Variants in GNG2 observed in about 807,000 individuals in gnomAD.
GNG2 encodes the protein guanine nucleotide-binding protein G(I)/G(S)/G(O) subunit gamma-2.
In GNG2, 5 loss-of-function variants were observed where a neutral mutation model predicts 5.5. That is an observed-to-expected ratio of 0.91 (90% confidence interval 0.48 to 1.92). The LOEUF is 1.92. Ranked by LOEUF, GNG2 falls within the 30% of genes most tolerant of loss-of-function variation. The probability of loss-of-function intolerance (pLI) is 0.01; values close to 1 mark genes in which losing one functional copy is unlikely to be tolerated. For synonymous variants in GNG2, 28 were observed against 32.0 expected, an observed-to-expected ratio of 0.88 and a Z score of 0.42; for missense variants, 55 against 88.4, an observed-to-expected ratio of 0.62 and a Z score of 1.52.
chr14:51,845,225 T>G (rs1594831365), intron 2 of GNG2, among the ~76,000 whole-genome samples: 1 of 152,344 alleles, frequency 6.6e-6, no homozygotes, highest in East Asian at 1.9e-4. Flanking sequence ...TAAAGGCTGG[T>G]GCAGTGGCTC....
chr14:51,828,017 A>G (rs1033772058), intron 2 of GNG2, among the ~76,000 whole-genome samples: 1 of 152,204 alleles, frequency 6.6e-6, no homozygotes, highest in Admixed American at 6.5e-5. Context: ...GGCAAGCACC[A>G]TATGCCTTGG....
chr14:51,911,239 C>T (rs1886273705), intron 2 of GNG2, among the ~76,000 whole-genome samples: 2 of 152,100 alleles, frequency 1.3e-5, no homozygotes, highest in Admixed American at 6.5e-5. Context: ...CTTATAAATA[C>T]CCTATGTACA....
chr14:51,836,086 T>C (rs1594828945), intron 2 of GNG2, among the ~76,000 whole-genome samples: 2 of 151,692 alleles, frequency 1.3e-5, no homozygotes, highest in African/African-American at 4.8e-5. Flanking sequence ...TCGGGTTCTC[T>C]TCCTAGTTTG....
intron 2 of GNG2, among the ~76,000 whole-genome samples, chr14:51,926,836 C>T (rs1014813639): frequency 1.3e-5 from 2 of 152,134 alleles, no homozygotes; most frequent in Admixed American, 6.6e-5. Context: ...CCTAATTTTT[C>T]ATGGTTGTGT....
rs186950252 is a variant in GNG2, at chr14:51,920,347, T to C, written c.-29-30303T>C. On this transcript the variant is annotated intron_variant, in intron 2 of 3. Coordinates refer to ENST00000556766, the MANE Select transcript of GNG2 (RefSeq NM_053064.5). ...TCATCTCTAGATTATTTATAATACC[T>C]AATACAATATAATAATTATAATAAT... Among the ~76,000 whole-genome samples the C allele has an allele frequency of 7.7e-4, 117 of 151,156 alleles. 1 individual carries two copies. The highest frequency in any genetic ancestry group is 2.1e-3 in the African/African-American group (87 of 41,304).
chr14:51,937,566 C>T (rs1392711870), intron 2 of GNG2, among the ~76,000 whole-genome samples: 1 of 151,806 alleles, frequency 6.6e-6, no homozygotes, highest in African/African-American at 2.4e-5. Flanking sequence ...TTCTGAATCT[C>T]TATGCTTTTC....
chr14:51,922,575 T>C (rs928868066), intron 2 of GNG2, among the ~76,000 whole-genome samples: 8 of 152,174 alleles, frequency 5.3e-5, no homozygotes, highest in African/African-American at 1.9e-4. Context: ...CTTAGAAAAG[T>C]AGAGTTCAAC....
intron 2 of GNG2, among the ~76,000 whole-genome samples, chr14:51,898,691 C>T (rs1885359920): frequency 6.6e-6 from 1 of 152,204 alleles, no homozygotes; most frequent in South Asian, 2.1e-4. Flanking sequence ...GCAGAGCCCT[C>T]GAACTCTGTA....
At chr14:51,956,671 G>A (rs572726139) in intron 3 of GNG2, among the ~76,000 whole-genome samples, 32 of 152,160 alleles carry the variant, frequency 2.1e-4, no homozygotes, top group Admixed American at 9.8e-4. Context: ...ATTAATGCGG[G>A]CAACCCAACT....
intron 2 of GNG2, among the ~76,000 whole-genome samples, chr14:51,929,795 G>C (rs917323132): frequency 1.3e-5 from 2 of 152,140 alleles, no homozygotes; most frequent in Non-Finnish European, 2.9e-5. Context: ...TGAGGCTGGC[G>C]TCGAGAGAAG....
chr14:51,826,566 T>C (rs952954393), intron 1 of GNG2, among the ~76,000 whole-genome samples: 2 of 152,180 alleles, frequency 1.3e-5, no homozygotes, highest in Admixed American at 6.5e-5. Flanking sequence ...ATGCCATTAA[T>C]CATGCTGAGT....
chr14:51,837,048 G>A (rs915074667), intron 2 of GNG2, among the ~76,000 whole-genome samples: 6 of 151,590 alleles, frequency 4.0e-5, no homozygotes, highest in African/African-American at 1.2e-4. Context: ...TAGTAGAGAC[G>A]GGGCTTCACC....
chr14:51,919,570 CT>C (rs1177670223), intron 2 of GNG2, among the ~76,000 whole-genome samples: 14 of 152,142 alleles, frequency 9.2e-5, no homozygotes, highest in Non-Finnish European at 2.1e-4. Context: ...TTAGACTGGT[CT>C]TTTTCCTTAG....
At chr14:51,835,056 A>G (rs1279028178) in intron 2 of GNG2, among the ~76,000 whole-genome samples, 9 of 152,212 alleles carry the variant, frequency 5.9e-5, no homozygotes, top group Admixed American at 5.2e-4. Context: ...ATTAGGCTCC[A>G]GAGAGTGGCT....
At position 51,959,389 on chromosome 14, in the gene GNG2, G is replaced by C. The variant is rs368933873; in HGVS notation, c.88-7170G>C. ...ACCCAGCTCAACTGACAGCAAGTTC[G>C]TTTTTCATTTGCTTGGTCCAAAAAC... On this transcript the variant is annotated intron_variant, in intron 3 of 3. Transcript: ENST00000556766. 5.9e-5 allele frequency among the ~76,000 whole-genome samples: 9 copies of C among 152,030 alleles called. No individual in the cohort carries two copies. The East Asian group carries it at 1.4e-3, about 23-fold the overall frequency.
intron 2 of GNG2, chr14:51,913,398 C>T (rs536696563): frequency 6.6e-6 from 1 of 152,246 alleles, no homozygotes; most frequent in Admixed American, 6.5e-5. Flanking sequence ...CCTGTAGTCC[C>T]AACTACTTGG....
chr14:51,859,105 T>C (rs571288876), upstream of GNG2, among the ~76,000 whole-genome samples: 1 of 152,196 alleles, frequency 6.6e-6, no homozygotes, highest in Non-Finnish European at 1.5e-5. Flanking sequence ...TTAGTTTACT[T>C]GCTGGAGGAT....
intron 2 of GNG2, among the ~76,000 whole-genome samples, chr14:51,830,872 TC>T (rs1881169258): frequency 6.6e-6 from 1 of 152,228 alleles, no homozygotes; most frequent in African/African-American, 2.4e-5. Context: ...CCAAAAGTTG[TC>T]CATTTCACTC....
Position 51,935,021 on chromosome 14 carries a change from C to CTTTTTT in GNG2, c.-29-15626_-29-15625insTTTTTT, listed in dbSNP as rs1370410276. On this transcript the variant is annotated intron_variant, in intron 2 of 3. Transcript: ENST00000556766. Reference sequence around the variant, plus strand: ...ATAGGTGGAAATTCCAGCCCAGTTTCTTTCTTTTTTTTTTTTTTTTGGAGA... The same window carrying CTTTTTT: ...ATAGGTGGAAATTCCAGCCCAGTTTCTTTTTTTTTCTTTTTTTTTTTTTTTTGGAGA... 9.0e-5 allele frequency among the ~76,000 whole-genome samples: 10 copies of CTTTTTT among 111,298 alleles called. 4 individuals carry two copies. The highest frequency in any genetic ancestry group is 7.4e-5 in the Non-Finnish European group (4 of 54,184). 73.0% of individuals were successfully genotyped at this position (111,298 alleles called of 152,430 possible).
Sources: allele counts gnomAD v4.1 joint callset (sites outside exome capture counted in the v4.1 genomes callset), GRCh38; gene constraint gnomAD v4.1.1; transcripts MANE v1.5; gene names NCBI Gene and HGNC (gene_info 2026-07-23, HGNC 2026-07-21).